CSMD1: variants seen among roughly 807,000 people sequenced by gnomAD.
The protein encoded by CSMD1 is CUB and sushi domain-containing protein 1.
CSMD1 carries 213 observed loss-of-function variants against 417.5 expected under a neutral mutation model. That is an observed-to-expected ratio of 0.51 (90% CI 0.46 to 0.57). The LOEUF (loss-of-function observed/expected upper bound fraction) is 0.57. Ranked by LOEUF, CSMD1 falls within the 20% of genes least tolerant of loss-of-function variation. CSMD1 has a pLI of 0.00. For missense variants in CSMD1, 6,923 were observed against 4,529.7 expected (o/e 1.53, Z -15.17); for synonymous variants, 2,862 against 1,736.8 (o/e 1.65, Z -16.11).
In CSMD1 at chr8:3,838,712, A is replaced by G. The variant is rs866324755; in HGVS notation, c.819-84670T>C. On this transcript the variant is annotated intron_variant, in intron 5 of 69. Transcript: ENST00000635120. Reference sequence around the variant, plus strand: ...ATATATAATAAATATTATATAGTATAATATATAATAAATTAATATTATATA... The same window carrying G: ...ATATATAATAAATATTATATAGTATGATATATAATAAATTAATATTATATA... Among the ~76,000 whole-genome samples, 9 of 92,374 alleles carry G rather than the reference A, an allele frequency of 9.7e-5. No individual in the cohort carries two copies. The South Asian group carries it at 2.4e-3, about 25-fold the overall frequency. The allele number at this position is 92,374 out of a possible 152,430, so 60.6% of individuals were successfully genotyped here.
At position 3,671,645 on chromosome 8, in the gene CSMD1, GC is replaced by G. The variant is rs537107924; in HGVS notation, c.1009+36768del. ...CCTGACTAATATACCATCTATTTAGGCTTCACAAGCCTCTGCCTTGCTTTAA... is the reference window on the plus strand; with the variant it reads ...CCTGACTAATATACCATCTATTTAGGTTCACAAGCCTCTGCCTTGCTTTAA... On this transcript the variant is annotated intron_variant, in intron 7 of 69. Coordinates refer to ENST00000635120, the MANE Select transcript of CSMD1 (RefSeq NM_033225.6). Among the ~76,000 whole-genome samples the G allele has an allele frequency of 2.9e-5, 4 of 140,252 alleles. No homozygotes were observed. In the East Asian group the frequency reaches 8.8e-4, roughly 31 times the overall value. The allele number at this position is 140,252 out of a possible 152,430, so 92.0% of individuals were successfully genotyped here. A position where few individuals can be genotyped will look rare whatever the true frequency, so the allele number is the denominator to read the frequency against.
chr8:4,641,501 A>G (rs542310847), intron 1 of CSMD1, among the ~76,000 whole-genome samples: 5 of 152,132 alleles, frequency 3.3e-5, no homozygotes, highest in Non-Finnish European at 7.3e-5. Flanking sequence ...ATTTTCACAT[A>G]TACTCTTTGT....
intron 3 of CSMD1, among the ~76,000 whole-genome samples, chr8:4,328,242 A>AT (rs3067534): frequency 0.036 from 4,450 of 124,542 alleles, 106 homozygotes; most frequent in South Asian, 0.039. Flanking sequence ...ACTCAATACA[A>AT]TTTTTTTTTT....
chr8:4,166,896 C>T (rs554958716), intron 3 of CSMD1, among the ~76,000 whole-genome samples: 99 of 152,306 alleles, frequency 6.5e-4, no homozygotes, highest in African/African-American at 2.4e-3. Flanking sequence ...TCCTTAGCAG[C>T]AGCAGCCTCA....
chr8:4,342,688 G>T (rs576404502), intron 3 of CSMD1, among the ~76,000 whole-genome samples: 1 of 152,042 alleles, frequency 6.6e-6, no homozygotes, highest in Non-Finnish European at 1.5e-5. Flanking sequence ...CCCAGCGATA[G>T]AGCCAATGAT....
intron 3 of CSMD1, among the ~76,000 whole-genome samples, chr8:4,161,461 G>A (rs1448259372): frequency 3.9e-5 from 6 of 152,136 alleles, no homozygotes; most frequent in Admixed American, 1.3e-4. Flanking sequence ...TAAGTTGAAT[G>A]GCTTACTCAA....
intron 12 of CSMD1, among the ~76,000 whole-genome samples, chr8:3,461,477 G>C (rs1459330143): frequency 6.6e-6 from 1 of 152,186 alleles, no homozygotes; most frequent in Non-Finnish European, 1.5e-5. Context: ...AGCAGGAGTA[G>C]CTGTCTCACC....
At chr8:3,641,229 C>T (rs1460441370) in intron 7 of CSMD1, among the ~76,000 whole-genome samples, 1 of 151,994 alleles carries the variant, frequency 6.6e-6, no homozygotes, top group East Asian at 1.9e-4. Flanking sequence ...CACTTGGCTG[C>T]TTCTCTGTGA....
At chr8:3,272,649 C>T (rs1304189937) in intron 26 of CSMD1, among the ~76,000 whole-genome samples, 1 of 138,450 alleles carries the variant, frequency 7.2e-6, no homozygotes, top group African/African-American at 2.8e-5. Context: ...TCCTTCACAT[C>T]CCTTGTAAGT....
intron 2 of CSMD1, among the ~76,000 whole-genome samples, chr8:4,539,385 G>C (rs564541900): frequency 6.6e-5 from 10 of 152,278 alleles, no homozygotes; most frequent in African/African-American, 1.2e-4. Flanking sequence ...TGTTTTTGGA[G>C]TGTTCCCACA....
chr8:3,567,438 A>T (rs1422204311), intron 10 of CSMD1, among the ~76,000 whole-genome samples: 5 of 151,972 alleles, frequency 3.3e-5, no homozygotes, highest in African/African-American at 1.2e-4. Context: ...AAAATAAAAT[A>T]AAAATAAAAA....
At chr8:3,965,537 C>T (rs115052709) in intron 5 of CSMD1, among the ~76,000 whole-genome samples, 56 of 152,272 alleles carry the variant, frequency 3.7e-4, no homozygotes, top group African/African-American at 1.2e-3. Flanking sequence ...AGAGCCTGAA[C>T]AACTAGGTCA....
intron 26 of CSMD1, among the ~76,000 whole-genome samples, chr8:3,279,562 G>T (rs1343803180): frequency 6.6e-6 from 1 of 152,104 alleles, no homozygotes; most frequent in African/African-American, 2.4e-5. Flanking sequence ...CTTGCCTAAG[G>T]TTGGGTTTGG....
intron 12 of CSMD1, among the ~76,000 whole-genome samples, chr8:3,433,222 A>G (rs1814333028): frequency 6.6e-6 from 1 of 152,214 alleles, no homozygotes; most frequent in South Asian, 2.1e-4. Context: ...ACAGTTGTTG[A>G]CATAGAGATG....
chr8:3,847,073 G>A (rs947774020), intron 5 of CSMD1, among the ~76,000 whole-genome samples: 5 of 152,102 alleles, frequency 3.3e-5, no homozygotes, highest in Non-Finnish European at 5.9e-5. Flanking sequence ...CTTCCAGGGT[G>A]GGGGAAGGCA....
chr8:4,069,412 C>T (rs554953001), intron 3 of CSMD1, among the ~76,000 whole-genome samples: 24 of 152,244 alleles, frequency 1.6e-4, no homozygotes, highest in African/African-American at 5.5e-4. Context: ...TCCGAGTTTT[C>T]CATGAGCATC....
At position 4,926,909 on chromosome 8, in the gene CSMD1, T is replaced by A. The variant is rs189938700; in HGVS notation, c.85+67423A>T. On this transcript the variant is annotated intron_variant, in intron 1 of 69. Transcript: ENST00000635120. The stretch of plus-strand genomic sequence containing the variant: ...ATATAATGAGCAAAGGTAACTTTGT[T>A]TTAGTTAATTTTTAAACCATTTACT... 8.1e-3 allele frequency among the ~76,000 whole-genome samples: 1,232 copies of A among 152,212 alleles called. 13 individuals carry two copies. The highest frequency in any genetic ancestry group is 0.028 in the African/African-American group (1,151 of 41,538).
chr8:4,265,262 A>T (rs1263329745), intron 3 of CSMD1, among the ~76,000 whole-genome samples: 1 of 152,092 alleles, frequency 6.6e-6, no homozygotes, highest in East Asian at 1.9e-4. Flanking sequence ...ATTTTATGGA[A>T]TAGCAAACAA....
intron 1 of CSMD1, among the ~76,000 whole-genome samples, chr8:4,966,209 C>CAAAAAAAAAAAAAAAAAAAA (rs33941630): frequency 2.2e-5 from 2 of 89,136 alleles, no homozygotes; most frequent in African/African-American, 8.2e-5. Flanking sequence ...ACTAAATATA[C>CAAAAAAAAAAAAAAAAAAAA]AAAAAAAAAA....
Sources: allele counts gnomAD v4.1 joint callset (sites outside exome capture counted in the v4.1 genomes callset), GRCh38; gene constraint gnomAD v4.1.1; transcripts MANE v1.5; gene names NCBI Gene and HGNC (gene_info 2026-07-23, HGNC 2026-07-21).